ARHGEF33: variants seen among roughly 807,000 people sequenced by gnomAD.
ARHGEF33 encodes Rho guanine nucleotide exchange factor 33.
A neutral mutation model predicts 101.9 loss-of-function variants in ARHGEF33; 72 were observed. The observed-to-expected ratio is 0.71, with a 90% CI of 0.58 to 0.86. The LOEUF is 0.86. Among genes scored for constraint, ARHGEF33 ranks in the 40% least tolerant of loss-of-function variants. ARHGEF33 has a pLI of 0.00. For synonymous variants in ARHGEF33, 499 were observed against 442.5 expected (o/e 1.13, Z -1.60); for missense variants, 1,169 against 1,111.3 (o/e 1.05, Z -0.74).
chr2:38,890,749 T>C (rs996351493), intron 1 of ARHGEF33, among the ~76,000 whole-genome samples: 12 of 152,226 alleles, frequency 7.9e-5, no homozygotes, highest in Non-Finnish European at 1.6e-4. Flanking sequence ...TTGCTGTAAA[T>C]GGAATAGCTA....
rs555636783 is a variant in ARHGEF33, at chr2:38,929,599, T to C, written c.241-110T>C. On this transcript the variant is annotated intron_variant, in intron 5 of 17. Transcript: ENST00000409978. ...AGTAAATTTTTTAATCTCTCATTCA[T>C]TCATTCATTCATTCAATAAATATGT... 24 of 836,594 alleles carry C rather than the reference T, an allele frequency of 2.9e-5. No individual in the cohort carries two copies. The East Asian group carries it at 3.2e-4, about 11-fold the overall frequency. 51.8% of individuals were successfully genotyped at this position (836,594 alleles called of 1,614,324 possible).
intron 17 of ARHGEF33, among the ~76,000 whole-genome samples, chr2:38,970,740 T>C (rs1222293561): frequency 1.3e-5 from 2 of 152,208 alleles, no homozygotes; most frequent in African/African-American, 2.4e-5. Flanking sequence ...TAGCACATAG[T>C]AGGCACTCAA....
intron 2 of ARHGEF33, among the ~76,000 whole-genome samples, chr2:38,900,214 T>C (rs1666210065): frequency 6.6e-6 from 1 of 151,922 alleles, no homozygotes; most frequent in Non-Finnish European, 1.5e-5. Context: ...AATAAGTAAA[T>C]ACATAGAGAC....
chr2:38,913,930 CAAAAGAAAATTAGGCAAATCAGAGGATT>C (rs1666572005), intron 2 of ARHGEF33, among the ~76,000 whole-genome samples: 1 of 150,710 alleles, frequency 6.6e-6, no homozygotes, highest in African/African-American at 2.4e-5. Context: ...GCAGATAACC[CAAAAGAAAATTAGGCAAATCAGAGGATT>C]AGATAATTGA....
At chr2:38,906,174 G>A (rs1357244663) in intron 2 of ARHGEF33, among the ~76,000 whole-genome samples, 1 of 140,076 alleles carries the variant, frequency 7.1e-6, no homozygotes, top group Non-Finnish European at 1.5e-5. Flanking sequence ...GGGTGACAGA[G>A]CAAGACTCTG....
intron 7 of ARHGEF33, 121 bp from the exon 8 acceptor site, chr2:38,935,654 C>T: frequency 2.9e-6 from 2 of 692,424 alleles, no homozygotes; most frequent in Admixed American, 3.0e-5. Flanking sequence ...CTTTTTTTTA[C>T]TGCTCTGCCT....
At chr2:38,916,909 T>C (rs901031398) in intron 2 of ARHGEF33, among the ~76,000 whole-genome samples, 5 of 151,916 alleles carry the variant, frequency 3.3e-5, no homozygotes, top group African/African-American at 1.2e-4. Context: ...CAAGTGATTC[T>C]CTTGCCTCAG....
chr2:38,901,702 G>T (rs1036251302), intron 2 of ARHGEF33, among the ~76,000 whole-genome samples: 1 of 152,190 alleles, frequency 6.6e-6, no homozygotes, highest in Non-Finnish European at 1.5e-5. Context: ...TAAGCCAGCA[G>T]ACTCGGAGAG....
At chr2:38,892,542 T>A (rs1666028967) in intron 1 of ARHGEF33, among the ~76,000 whole-genome samples, 1 of 152,194 alleles carries the variant, frequency 6.6e-6, no homozygotes, top group African/African-American at 2.4e-5. Context: ...TTTTAAAATG[T>A]GCTTTCCCCA....
At chr2:38,944,876 G>GGT (rs397942466) in intron 10 of ARHGEF33, among the ~76,000 whole-genome samples, 5,412 of 144,988 alleles carry the variant, frequency 0.037, 124 homozygotes, top group Non-Finnish European at 0.038. Flanking sequence ...GTAATGCATG[G>GGT]GTGTGTGTGT....
Position 38,951,075 on chromosome 2 carries a change from G to A in ARHGEF33, c.1007G>A (p.Arg336His), listed in dbSNP as rs1667589899. Residue 336 changes from arginine (R) to histidine (H), a missense_variant, in exon 11 of 18, where the codon CGC (arginine) becomes CAC (histidine). Arg to His is a conservative substitution (Grantham distance 29, BLOSUM62 0). Coordinates refer to ENST00000409978, the MANE Select transcript of ARHGEF33 (RefSeq NM_001145451.5). ...ALQERVLKWP[R>H]QGVLGDLFLK... is the part of the protein sequence containing the mutation. ...CAGGAAAGGGTCCTGAAGTGGCCAC[G>A]CCAAGGCGTTCTTGGAGATTTATTC... The A allele has an allele frequency of 3.9e-6, 6 of 1,551,788 alleles. No individual in the cohort carries two copies. The highest frequency in any genetic ancestry group is 3.6e-5 in the South Asian group (3 of 84,058).
intron 2 of ARHGEF33, among the ~76,000 whole-genome samples, chr2:38,901,626 G>C (rs1371479656): frequency 6.6e-6 from 1 of 152,220 alleles, no homozygotes; most frequent in African/African-American, 2.4e-5. Context: ...TTCCAGCTTT[G>C]TACTAGGACC....
chr2:38,964,864 T>C (rs1668019749), intron 16 of ARHGEF33, among the ~76,000 whole-genome samples: 1 of 152,038 alleles, frequency 6.6e-6, no homozygotes. Flanking sequence ...ATTCACAAAG[T>C]CTGGGATGGG....
rs1572789022 is a variant in ARHGEF33 at position 38,975,209 on chromosome 2, A to G, written c.*1366A>G. On this transcript the variant is annotated 3_prime_UTR_variant, in exon 18 of 18. Transcript: ENST00000409978. ...CTGATGACAAATTAGGAACTCACCTACTGCGTTTTGAATAGTAGTTGTCTG... is the reference window on the plus strand; with the variant it reads ...CTGATGACAAATTAGGAACTCACCTGCTGCGTTTTGAATAGTAGTTGTCTG... 1 of 152,226 alleles carries G rather than the reference A, an allele frequency of 6.6e-6. No individual in the cohort carries two copies. Among genetic ancestry groups the G allele is most frequent in the Admixed American group, 6.5e-5 (1 of 15,282 alleles). The allele number at this position is 152,226 out of a possible 1,614,324, so 9.4% of individuals were successfully genotyped here. A position where few individuals can be genotyped will look rare whatever the true frequency, so the allele number is the denominator to read the frequency against.
chr2:38,894,744 A>G (rs1335163360), intron 1 of ARHGEF33, among the ~76,000 whole-genome samples: 1 of 152,168 alleles, frequency 6.6e-6, no homozygotes, highest in Non-Finnish European at 1.5e-5. Context: ...TTCTACTTGT[A>G]TTGCATGGGT....
At position 38,919,878 on chromosome 2, in the gene ARHGEF33, A is replaced by G. The variant is rs947767954; in HGVS notation, c.25+406A>G. ...AATTTACGGAAGAGGAAACAGTCAT[A>G]GGGAAGTCAGGTGACAACTGCAAAG... On this transcript the variant is annotated intron_variant, in intron 3 of 17. Transcript: ENST00000409978. Among the ~76,000 whole-genome samples the G allele has an allele frequency of 2.6e-5, 4 of 152,352 alleles. No individual in the cohort carries two copies. In the South Asian group the frequency reaches 8.3e-4, roughly 32 times the overall value.
At chr2:38,916,322 C>T (rs772013337) in intron 2 of ARHGEF33, among the ~76,000 whole-genome samples, 3 of 152,184 alleles carry the variant, frequency 2.0e-5, no homozygotes, top group Non-Finnish European at 4.4e-5. Flanking sequence ...TGGCTTTGGG[C>T]AGGCCACTTC....
Position 38,929,801 on chromosome 2 carries a change from G to T in ARHGEF33, c.333G>T (p.Lys111Asn), listed in dbSNP as rs989703398. 1 of 1,551,510 alleles carries T rather than the reference G, an allele frequency of 6.4e-7. No individual in the cohort carries two copies. Among genetic ancestry groups the T allele is most frequent in the Non-Finnish European group, 8.7e-7 (1 of 1,146,860 alleles). The part of the protein sequence containing the change: ...QQKIEQLQQE[K>N]RRESRKVKAK... ...AAATCGAGCAGCTTCAACAGGAGAA[G>T]CGAAGAGAATCTCGAAAAGTTAAAG... Residue 111 changes from lysine (K) to asparagine (N), a missense_variant, in exon 6 of 18, where the codon AAG becomes AAT. Lys to Asn is a moderately conservative substitution (Grantham distance 94, BLOSUM62 0). Transcript: ENST00000409978.
chr2:38,951,236 G>C (rs931147459), intron 11 of ARHGEF33, 115 bp downstream of exon 11: 2 of 973,344 alleles, frequency 2.1e-6, no homozygotes, highest in African/African-American at 1.6e-5. Context: ...GAACCACTGA[G>C]ATCTAGTCTA....
Sources: allele counts gnomAD v4.1 joint callset (sites outside exome capture counted in the v4.1 genomes callset), GRCh38; gene constraint gnomAD v4.1.1; transcripts MANE v1.5; gene names NCBI Gene and HGNC (gene_info 2026-07-23, HGNC 2026-07-21).